Variants in DACT2 observed in about 807,000 individuals in gnomAD.
DACT2 encodes the protein dishevelled binding antagonist of beta catenin 2, also known as dapper homolog 2.
A neutral mutation model predicts 22.2 loss-of-function variants in DACT2; 20 were observed. The ratio of observed to expected loss-of-function variants is 0.90; its 90% CI spans 0.63 to 1.31. The LOEUF is 1.31. DACT2 is among the 50% of genes most tolerant of loss of function. The pLI is 0.00. For synonymous variants in DACT2, 463 were observed against 479.8 expected (o/e 0.96, Z 0.46); for missense variants, 1,048 against 1,061.4 (o/e 0.99, Z 0.18).
rs1156718328 is a variant in DACT2 at position 168,312,754 on chromosome 6, T to C, written c.247-1470A>G. 3.9e-5 allele frequency among the ~76,000 whole-genome samples: 6 copies of C among 152,222 alleles called. No homozygotes were observed. In the South Asian group the frequency reaches 1.0e-3, roughly 26 times the overall value. ...TATATTTCAAAATTTACGTGGGAAA[T>C]GAGGAGTTCCCCTGAGCCCCATAAC... On this transcript the variant is annotated intron_variant, in intron 1 of 3. Coordinates refer to ENST00000366795, the MANE Select transcript of DACT2 (RefSeq NM_214462.5).
chr6:168,307,097 A>C lies in DACT2; in HGVS notation c.*335T>G. ...GGAAACACTTCCCCAGCCAGAGGGG[A>C]GTGAGGGCAGGGGAAGCCATGGGAG... On this transcript the variant is annotated 3_prime_UTR_variant, in exon 4 of 4. Transcript: ENST00000366795. This position sits in a 1 kb window ranked among gnomAD's most constrained non-coding sequence, Gnocchi z 5.3. 1 of 1,086,224 alleles carries C rather than the reference A, an allele frequency of 9.2e-7. No homozygotes were observed. The highest frequency in any genetic ancestry group is 6.8e-5 in the East Asian group (1 of 14,786). 67.3% of individuals were successfully genotyped at this position (1,086,224 alleles called of 1,614,324 possible). A position where few individuals can be genotyped will look rare whatever the true frequency, so the allele number is the denominator to read the frequency against.
rs1427597328 is a variant in DACT2, at chr6:168,310,406, G to A, written c.420C>T (p.Ser140=). ...CACTGCAGACGGAGGCACAGGACGT[G>A]GACAGGGAGCAGGATCCACCGTCGC... ...EMSDGGSCSL[S]TSCASVCSDH... The change falls in exon 3 of 4, where the codon TCC becomes TCT. Residue 140 remains serine (S), a synonymous_variant. Transcript: ENST00000366795. 1.3e-6 allele frequency: 2 copies of A among 1,551,516 alleles called. No individual in the cohort carries two copies. Among genetic ancestry groups the A allele is most frequent in the Non-Finnish European group, 1.7e-6 (2 of 1,146,900 alleles).
chr6:168,304,152 T>A (rs1463489246), downstream of DACT2, among the ~76,000 whole-genome samples: 2 of 152,180 alleles, frequency 1.3e-5, no homozygotes, highest in East Asian at 3.9e-4. Context: ...TCTGCCCCCG[T>A]CATCTAATCA....
rs1468766778 is a variant in DACT2 at position 168,310,162 on chromosome 6, T to G, written c.658+6A>C. The G allele has an allele frequency of 1.3e-6, 2 of 1,548,222 alleles. No homozygotes were observed. Among genetic ancestry groups the G allele is most frequent in the Non-Finnish European group, 1.7e-6 (2 of 1,146,494 alleles). On this transcript the variant is annotated splice_donor_region_variant and intron_variant, in intron 3 of 3. Coordinates refer to ENST00000366795, the MANE Select transcript of DACT2 (RefSeq NM_214462.5). ...GAGACCCCCACCTTCCCTGGCAGTT[T>G]CTTACCTGTAGACACAGGCCTGGGC...
At position 168,308,856 on chromosome 6, in the gene DACT2, G is replaced by T; in HGVS notation, c.901C>A (p.Pro301Thr). The T allele has an allele frequency of 6.4e-7, 1 of 1,551,082 alleles. No homozygotes were observed. The highest frequency in any genetic ancestry group is 8.7e-7 in the Non-Finnish European group (1 of 1,146,876). Residue 301 changes from proline to threonine, a missense_variant, in exon 4 of 4, where the codon CCC becomes ACC. Coordinates refer to ENST00000366795, the MANE Select transcript of DACT2 (RefSeq NM_214462.5). Reference sequence around the variant, plus strand: ...CTGGGGCTCTCCCTAGGGAACGAGGGGCCACCTCTCTGTGGGGTTTCCTTA... The same window carrying T: ...CTGGGGCTCTCCCTAGGGAACGAGGTGCCACCTCTCTGTGGGGTTTCCTTA... The part of the protein sequence containing the change: ...LTKETPQRGG[P>T]SFPRESPRGP...
chr6:168,306,991 T>C lies in DACT2; in HGVS notation c.*441A>G. 1 of 998,950 alleles carries C rather than the reference T, an allele frequency of 1.0e-6. No homozygotes were observed. The highest frequency in any genetic ancestry group is 1.2e-6 in the Non-Finnish European group (1 of 838,002). 61.9% of individuals were successfully genotyped at this position (998,950 alleles called of 1,614,324 possible). ...TATGCTGACAGCTTAACGTGGAGTT[T>C]AAACTCAAATTCAATTTCCAGCTCA... is the stretch of plus-strand genomic sequence containing the variant. On this transcript the variant is annotated 3_prime_UTR_variant, in exon 4 of 4. Coordinates refer to ENST00000366795, the MANE Select transcript of DACT2 (RefSeq NM_214462.5).
chr6:168,306,986 G>A lies in DACT2; in HGVS notation c.*446C>T, dbSNP rs567689521. The A allele has an allele frequency of 2.9e-5, 29 of 998,058 alleles. No homozygotes were observed. In the South Asian group the frequency reaches 1.1e-3, roughly 38 times the overall value. 61.8% of individuals were successfully genotyped at this position (998,058 alleles called of 1,614,324 possible). A position where few individuals can be genotyped will look rare whatever the true frequency, so the allele number is the denominator to read the frequency against. ...TTGTGTATGCTGACAGCTTAACGTG[G>A]AGTTTAAACTCAAATTCAATTTCCA... On this transcript the variant is annotated 3_prime_UTR_variant, in exon 4 of 4. Coordinates refer to ENST00000366795, the MANE Select transcript of DACT2 (RefSeq NM_214462.5).
chr6:168,307,973 G>A lies in DACT2; in HGVS notation c.1784C>T (p.Ala595Val), dbSNP rs763264152. 4.4e-5 allele frequency: 68 copies of A among 1,551,074 alleles called. No homozygotes were observed. The East Asian group carries it at 5.1e-4, about 12-fold the overall frequency. Residue 595 changes from alanine (A) to valine (V), a missense_variant, in exon 4 of 4, where the codon GCG becomes GTG. Coordinates refer to ENST00000366795, the MANE Select transcript of DACT2 (RefSeq NM_214462.5). The surrounding 1 kb of genome is among the most constrained non-coding windows in gnomAD (Gnocchi z 5.3). ...CCTGGCCACTGAGGTGAGCAGTGAC[G>A]CCTCAAAGGGGAACAGGGCTTGGGC... ...TSAQALFPFE[A>V]SLLTSVARRK... is the part of the protein sequence containing the mutation.
At chr6:168,295,936 T>A (rs1029199250) in intron 3 of DACT2, among the ~76,000 whole-genome samples, 6 of 151,018 alleles carry the variant, frequency 4.0e-5, no homozygotes, top group Admixed American at 6.6e-5. Flanking sequence ...GATGCCCAGG[T>A]AGCTGGAGCC....
intron 1 of DACT2, among the ~76,000 whole-genome samples, chr6:168,311,594 A>ACTCACACACAAACACACACC (rs1562498558): frequency 3.1e-5 from 2 of 65,568 alleles, no homozygotes; most frequent in African/African-American, 1.1e-4. Flanking sequence ...CCACACACAC[A>ACTCACACACAAACACACACC]CATACACACA....
At chr6:168,305,261 C>T (rs113944022), downstream of DACT2, among the ~76,000 whole-genome samples, 8 of 152,114 alleles carry the variant, frequency 5.3e-5, no homozygotes, top group Admixed American at 3.3e-4. Flanking sequence ...CAGGACTGTG[C>T]GGAGCAGGAA....
exon 6 of DACT2, chr6:168,293,708 G>C (rs1267781593): frequency 3.3e-6 from 2 of 605,288 alleles, no homozygotes; most frequent in Non-Finnish European, 5.9e-6. Flanking sequence ...AAATTCCACT[G>C]ACCAGCAGTC....
At chr6:168,296,067 ATGGT>A in intron 3 of DACT2, among the ~76,000 whole-genome samples, 1 of 124,984 alleles carries the variant, frequency 8.0e-6, no homozygotes, top group African/African-American at 3.5e-5. Flanking sequence ...CGGTGAGGAG[ATGGT>A]CATGGAGGAC....
intron 3 of DACT2, among the ~76,000 whole-genome samples, chr6:168,301,786 T>G (rs1197684589): frequency 6.6e-6 from 1 of 152,206 alleles, no homozygotes; most frequent in Non-Finnish European, 1.5e-5. Context: ...ATAAACAACC[T>G]TTGTTTGTCC....
In DACT2 at chr6:168,307,707, C is replaced by T. The variant is rs1260662442; in HGVS notation, c.2050G>A (p.Gly684Arg). 1.3e-6 allele frequency: 2 copies of T among 1,550,320 alleles called. No individual in the cohort carries two copies. The highest frequency in any genetic ancestry group is 1.7e-6 in the Non-Finnish European group (2 of 1,146,884). Residue 684 changes from glycine to arginine, a missense_variant, in exon 4 of 4, where the codon GGA (glycine) becomes AGA (arginine). By Grantham distance (125) the Gly-to-Arg change is moderately radical. Coordinates refer to ENST00000366795, the MANE Select transcript of DACT2 (RefSeq NM_214462.5). This position sits in a 1 kb window ranked among gnomAD's most constrained non-coding sequence, Gnocchi z 5.3. ...TTGGTGGTGTGGTCACTGGACTCTCCCTCGCTGGTCTCCGGGATGACTGAC... is the reference window on the plus strand; with the variant it reads ...TTGGTGGTGTGGTCACTGGACTCTCTCTCGCTGGTCTCCGGGATGACTGAC... ...FPSVIPETSE[G>R]ESSDHTTNRF...
At chr6:168,312,944 G>A (rs570218929) in intron 1 of DACT2, among the ~76,000 whole-genome samples, 20 of 152,278 alleles carry the variant, frequency 1.3e-4, no homozygotes, top group African/African-American at 3.8e-4. Context: ...GGCCAGGCTC[G>A]ACCCAGCACA....
Position 168,308,632 on chromosome 6 carries a change from A to G in DACT2, c.1125T>C (p.Gly375=). Residue 375 remains glycine (G), a synonymous_variant, in exon 4 of 4, where the codon GGT becomes GGC. Transcript: ENST00000366795. The part of the protein sequence containing the change: ...PQRQGGWSTD[G]GGRLLVFAPG... ...GGGCGAAGACCAGCAGTCGCCCTCC[A>G]CCGTCTGTACTCCAGCCACCCTGCC... 6.5e-7 allele frequency: 1 copy of G among 1,543,906 alleles called. No homozygotes were observed. The highest frequency in any genetic ancestry group is 8.7e-7 in the Non-Finnish European group (1 of 1,146,894).
chr6:168,310,030 G>T, intron 3 of DACT2, 138 bp downstream of exon 3: 1 of 1,349,030 alleles, frequency 7.4e-7, no homozygotes, highest in South Asian at 1.6e-5. Context: ...GTGGCCCACG[G>T]AGGCCTTCCA....
intron 1 of DACT2, among the ~76,000 whole-genome samples, chr6:168,311,594 A>ACACACCCACACC (rs1332323296): frequency 1.5e-5 from 1 of 65,568 alleles, no homozygotes. Flanking sequence ...CCACACACAC[A>ACACACCCACACC]CATACACACA....
Sources: gnomAD v4.1 joint callset for allele counts (sites outside exome capture counted in the v4.1 genomes callset) on GRCh38, gnomAD v4.1.1 for gene constraint, Gnocchi (gnomAD v3.1) non-coding constraint, MANE v1.5 for transcripts, NCBI Gene and HGNC (gene_info 2026-07-23, HGNC 2026-07-21) for gene names.